The following DMD variants were observed in gnomAD, a reference collection of about 807,000 sequenced individuals.
DMD encodes mutant dystrophin.
Under a neutral mutation model 330.1 loss-of-function variants are expected in DMD, and 63 were observed. The observed-to-expected ratio is 0.19, with a 90% confidence interval of 0.16 to 0.24. The LOEUF is 0.24. Among genes scored for constraint, DMD ranks in the 10% least tolerant of loss-of-function variants. DMD has a pLI of 1.00. For synonymous variants in DMD, 1,223 were observed against 959.8 expected, an observed-to-expected ratio of 1.27 and a Z score of -5.07; for missense variants, 3,344 against 2,684.1, an observed-to-expected ratio of 1.25 and a Z score of -5.43.
chrX:32,719,043 T>C (rs1359241832), intron 7 of DMD, among the ~76,000 whole-genome samples: 2 of 111,778 alleles, frequency 1.8e-5, no homozygotes, highest in South Asian at 3.7e-4. Flanking sequence ...ACATATATAG[T>C]TACTCAACTA....
chrX:33,150,369 A>G (rs1569556543), intron 1 of DMD, among the ~76,000 whole-genome samples: 1 of 99,734 alleles, frequency 1.0e-5, no homozygotes, highest in Non-Finnish European at 2.0e-5. Context: ...ATCTCGGCTC[A>G]CTGCAACCTC....
intron 62 of DMD, among the ~76,000 whole-genome samples, chrX:31,271,803 T>A (rs1019699616): frequency 2.7e-5 from 3 of 111,760 alleles, no homozygotes; most frequent in African/African-American, 9.8e-5. Context: ...GAACAGTGAC[T>A]CAGACATCTA....
chrX:32,668,914 T>A (rs547005798), intron 9 of DMD, among the ~76,000 whole-genome samples: 37 of 111,556 alleles, frequency 3.3e-4, no homozygotes, highest in African/African-American at 1.2e-3. Context: ...GTATGCTGAA[T>A]GTTCATTACA....
At chrX:32,234,953 C>T (rs2097182089) in intron 43 of DMD, among the ~76,000 whole-genome samples, 1 of 111,496 alleles carries the variant, frequency 9.0e-6, no homozygotes, top group Admixed American at 9.5e-5. Context: ...GATTCAAATC[C>T]AGCTTTCACT....
At chrX:32,654,588 C>A (rs954925879) in intron 9 of DMD, among the ~76,000 whole-genome samples, 1 of 107,218 alleles carries the variant, frequency 9.3e-6, no homozygotes, top group Non-Finnish European at 1.9e-5. Context: ...CAATGTTCAT[C>A]AAGGATATTG....
intron 55 of DMD, among the ~76,000 whole-genome samples, chrX:31,584,412 C>T (rs2076488639): frequency 9.0e-6 from 1 of 111,185 alleles, no homozygotes; most frequent in African/African-American, 3.3e-5. Flanking sequence ...TCCAGCTCCT[C>T]AAAGATCTAG....
chrX:32,855,234 AACT>A (rs1195447875), intron 2 of DMD, among the ~76,000 whole-genome samples: 4 of 112,206 alleles, frequency 3.6e-5, no homozygotes, highest in Non-Finnish European at 7.5e-5. Flanking sequence ...AATGGGGAAA[AACT>A]ACAAGACTTT....
chrX:31,774,883 A>C (rs1300559149), intron 50 of DMD, among the ~76,000 whole-genome samples: 1 of 112,133 alleles, frequency 8.9e-6, no homozygotes, highest in Non-Finnish European at 1.9e-5. Flanking sequence ...CAAAGTCATT[A>C]AATAAATCTT....
chrX:33,189,809 A>C, intron 1 of DMD, among the ~76,000 whole-genome samples: 2 of 111,803 alleles, frequency 1.8e-5, no homozygotes, highest in South Asian at 7.5e-4. Flanking sequence ...AGTTAAGGCT[A>C]ATTTTAAACT....
At chrX:33,116,466 C>G (rs1360563665) in intron 1 of DMD, among the ~76,000 whole-genome samples, 1 of 110,756 alleles carries the variant, frequency 9.0e-6, no homozygotes, top group East Asian at 2.9e-4. Flanking sequence ...CCATGATCGA[C>G]CACTGCACTC....
rs189972748 is a variant in DMD, at chrX:33,002,581, G to A, written c.93+17558C>T. On this transcript the variant is annotated intron_variant, in intron 2 of 78. Transcript: ENST00000357033. ...TGGTTGCAAAAAGCAACCAATCAGA[G>A]GCTAAGGTGAAGTTACAAAGTTGCA... Among the ~76,000 whole-genome samples the A allele has an allele frequency of 7.6e-3, 834 of 110,262 alleles. 4 individuals carry two copies. The highest frequency in any genetic ancestry group is 0.018 in the Middle Eastern group (4 of 217).
At chrX:32,968,866 A>G (rs1924505052) in intron 2 of DMD, among the ~76,000 whole-genome samples, 1 of 106,659 alleles carries the variant, frequency 9.4e-6, no homozygotes, top group South Asian at 4.4e-4. Context: ...CACCTCTACT[A>G]AAAATACAAA....
intron 1 of DMD, among the ~76,000 whole-genome samples, chrX:33,070,673 C>CTA (rs59422325): frequency 7.9e-4 from 28 of 35,637 alleles, no homozygotes; most frequent in South Asian, 5.6e-3. Flanking sequence ...CTCTCTCTCT[C>CTA]TATATATATA....
chrX:32,412,173 A>T (rs1233455493), intron 29 of DMD: 14 of 1,107,086 alleles, frequency 1.3e-5, no homozygotes, highest in Non-Finnish European at 1.6e-5. Flanking sequence ...TTAAGGAAAT[A>T]GGCTGGAAAA....
intron 1 of DMD, among the ~76,000 whole-genome samples, chrX:33,229,580 G>T (rs903503651): frequency 4.5e-5 from 5 of 111,460 alleles, no homozygotes; most frequent in African/African-American, 6.5e-5. Flanking sequence ...TATTTGTGCG[G>T]GTCTATTTCT....
Position 31,748,780 on chromosome X carries a change from T to C in DMD, c.7543-19032A>G, listed in dbSNP as rs183224455. ...GACCACCCCTCAATGGTTCTGTACTTACACCCTTTTATAGACAAGGAAAAT... is the reference window on the plus strand; with the variant it reads ...GACCACCCCTCAATGGTTCTGTACTCACACCCTTTTATAGACAAGGAAAAT... On this transcript the variant is annotated intron_variant, in intron 51 of 78. Coordinates refer to ENST00000357033, the MANE Select transcript of DMD (RefSeq NM_004006.3). Among the ~76,000 whole-genome samples, 127 of 111,956 alleles carry C rather than the reference T, an allele frequency of 1.1e-3. 1 individual carries two copies. Among genetic ancestry groups the C allele is most frequent in the African/African-American group, 3.9e-3 (121 of 30,865 alleles).
intron 12 of DMD, among the ~76,000 whole-genome samples, chrX:32,602,020 A>G (rs1410131522): frequency 8.9e-6 from 1 of 112,068 alleles, no homozygotes; most frequent in Non-Finnish European, 1.9e-5. Flanking sequence ...AATAGACATC[A>G]TAAGTGCAGG....
At chrX:33,308,934 G>A (rs906385434) in intron 1 of DMD, among the ~76,000 whole-genome samples, 3 of 111,224 alleles carry the variant, frequency 2.7e-5, no homozygotes, top group African/African-American at 9.8e-5. Flanking sequence ...ACAAACATGC[G>A]AGACCACACA....
At chrX:32,930,350 A>G (rs1476221459) in intron 2 of DMD, among the ~76,000 whole-genome samples, 1 of 110,624 alleles carries the variant, frequency 9.0e-6, no homozygotes, top group African/African-American at 3.3e-5. Flanking sequence ...GAAAGTAGTC[A>G]GAAAACCAAA....
Sources: allele counts gnomAD v4.1 joint callset (sites outside exome capture counted in the v4.1 genomes callset), GRCh38; gene constraint gnomAD v4.1.1; transcripts MANE v1.5; gene names NCBI Gene and HGNC (gene_info 2026-07-23, HGNC 2026-07-21).